The following ACTN2 variants were observed in gnomAD, a reference collection of about 807,000 sequenced individuals.
ACTN2 encodes the protein actinin alpha 2.
Under a neutral mutation model 113.8 loss-of-function variants are expected in ACTN2, and 39 were observed. The observed-to-expected ratio is 0.34, with a 90% CI of 0.27 to 0.45. ACTN2 has a LOEUF of 0.45. ACTN2 is among the 20% of genes least tolerant of loss of function. ACTN2 has a pLI of 1.00. For missense variants in ACTN2, 992 were observed against 1,177.9 expected, an observed-to-expected ratio of 0.84 and a Z score of 2.31; for synonymous variants, 429 against 444.1, an observed-to-expected ratio of 0.97 and a Z score of 0.43.
intron 10 of ACTN2, among the ~76,000 whole-genome samples, chr1:236,741,820 TCTC>T (rs1659077145): frequency 6.6e-6 from 1 of 152,128 alleles, no homozygotes; most frequent in African/African-American, 2.4e-5. Flanking sequence ...TCAGATCTCA[TCTC>T]CTTTCTTCTC....
In ACTN2 at chr1:236,725,947, G is replaced by A. The variant is rs1658537424; in HGVS notation, c.463G>A (p.Glu155Lys). The A allele has an allele frequency of 6.2e-7, 1 of 1,614,218 alleles. No individual in the cohort carries two copies. The highest frequency in any genetic ancestry group is 8.5e-7 in the Non-Finnish European group (1 of 1,180,030). ...DISVEETSAK[E>K]GLLLWCQRKT... is the part of the protein sequence containing the mutation. Reference sequence around the variant, plus strand: ...TGTCATTACAGAAACATCTGCCAAAGAAGGTCTGCTGCTTTGGTGTCAGAG... The same window carrying A: ...TGTCATTACAGAAACATCTGCCAAAAAAGGTCTGCTGCTTTGGTGTCAGAG... Residue 155 changes from glutamate to lysine, a missense_variant, in exon 5 of 21, where the codon GAA (glutamate) becomes AAA (lysine). Glu to Lys is a moderately conservative substitution (Grantham distance 56). Coordinates refer to ENST00000366578, the MANE Select transcript of ACTN2 (RefSeq NM_001103.4).
intron 10 of ACTN2, among the ~76,000 whole-genome samples, chr1:236,739,964 A>G (rs568969023): frequency 2.6e-5 from 4 of 152,238 alleles, no homozygotes; most frequent in African/African-American, 9.6e-5. Flanking sequence ...CATGCACACC[A>G]GCATACAAAA....
intron 1 of ACTN2, among the ~76,000 whole-genome samples, chr1:236,694,655 G>T (rs1657421071): frequency 6.6e-6 from 1 of 152,032 alleles, no homozygotes; most frequent in Admixed American, 6.6e-5. Flanking sequence ...GACTTTTTGA[G>T]CTCTGAATGT....
chr1:236,713,498 A>T (rs1658112672), intron 1 of ACTN2, among the ~76,000 whole-genome samples: 1 of 152,240 alleles, frequency 6.6e-6, no homozygotes, highest in Admixed American at 6.5e-5. Context: ...AAGTGCTGGG[A>T]TTACAGGCAT....
At chr1:236,698,122 C>T (rs539311484) in intron 1 of ACTN2, among the ~76,000 whole-genome samples, 8 of 151,660 alleles carry the variant, frequency 5.3e-5, no homozygotes, top group East Asian at 1.9e-4. Context: ...AATTTACTTA[C>T]GGTGGTGTGC....
At chr1:236,758,786 A>AT (rs1225364949) in intron 18 of ACTN2, among the ~76,000 whole-genome samples, 2 of 151,560 alleles carry the variant, frequency 1.3e-5, no homozygotes, top group African/African-American at 4.9e-5. Context: ...TGCCTGGCTA[A>AT]TTTTTTGTAT....
intron 1 of ACTN2, among the ~76,000 whole-genome samples, chr1:236,701,581 T>C (rs1657679397): frequency 1.3e-5 from 2 of 152,212 alleles, no homozygotes; most frequent in African/African-American, 4.8e-5. Context: ...TATTATATGC[T>C]ATGTATATGG....
Position 236,757,119 on chromosome 1 carries a change from C to T in ACTN2, c.2155-367C>T, listed in dbSNP as rs71642860. ...AATAGAGTATATACTGCAGAGGGCCCGCTGCCACCGTTAGAACCCTGGTTA... is the reference window on the plus strand; with the variant it reads ...AATAGAGTATATACTGCAGAGGGCCTGCTGCCACCGTTAGAACCCTGGTTA... On this transcript the variant is annotated intron_variant, in intron 17 of 20. Coordinates refer to ENST00000366578, the MANE Select transcript of ACTN2 (RefSeq NM_001103.4). 5.5e-4 allele frequency among the ~76,000 whole-genome samples: 8 copies of T among 14,520 alleles called. 4 individuals are homozygous for T. The East Asian group carries it at 0.02, about 36-fold the overall frequency. The allele number at this position is 14,520 out of a possible 152,430, so 9.5% of individuals were successfully genotyped here.
intron 14 of ACTN2, among the ~76,000 whole-genome samples, chr1:236,749,863 T>G (rs538546470): frequency 1.5e-4 from 23 of 152,212 alleles, no homozygotes; most frequent in African/African-American, 5.5e-4. Context: ...TTGAGCAAAA[T>G]AAACATATGT....
rs1558233426 is a variant in ACTN2 at position 236,721,016 on chromosome 1, T to TTTTTG, written c.448+829_448+830insGTTTT. On this transcript the variant is annotated intron_variant, in intron 4 of 20. Coordinates refer to ENST00000366578, the MANE Select transcript of ACTN2 (RefSeq NM_001103.4). ...CAGTAGCCTCTGACTCTGGTTTTTG[T>TTTTTG]TTTTTGTTTTTTTTTTTTTTTTTTT... Among the ~76,000 whole-genome samples the TTTTTG allele has an allele frequency of 2.0e-4, 9 of 46,120 alleles. 1 individual carries two copies. The highest frequency in any genetic ancestry group is 5.7e-4 in the African/African-American group (9 of 15,714). 30.3% of individuals were successfully genotyped at this position (46,120 alleles called of 152,430 possible). A position where few individuals can be genotyped will look rare whatever the true frequency, so the allele number is the denominator to read the frequency against.
intron 1 of ACTN2, among the ~76,000 whole-genome samples, chr1:236,702,985 G>A (rs769615009): frequency 3.3e-5 from 5 of 152,200 alleles, no homozygotes; most frequent in Non-Finnish European, 7.3e-5. Context: ...TGTCTGTGTA[G>A]TACAAGCTGC....
chr1:236,744,247 G>A (rs183837139), intron 11 of ACTN2, among the ~76,000 whole-genome samples: 46 of 152,294 alleles, frequency 3.0e-4, no homozygotes, highest in African/African-American at 9.9e-4. Flanking sequence ...ATGGAGCACC[G>A]GGGTTTTATC....
intron 4 of ACTN2, among the ~76,000 whole-genome samples, chr1:236,722,566 T>G (rs1572116889): frequency 7.4e-6 from 1 of 134,826 alleles, no homozygotes; most frequent in Non-Finnish European, 1.5e-5. Flanking sequence ...ACCTGGGAGG[T>G]GGAGGTTGCA....
chr1:236,686,584 G>C lies in ACTN2; in HGVS notation c.-90G>C. Reference sequence around the variant, plus strand: ...GAAGGTCACCCCGCGCCCGCCGCCCGCCGCCCGCCGCCTCCGTGGGTCCGT... The same window carrying C: ...GAAGGTCACCCCGCGCCCGCCGCCCCCCGCCCGCCGCCTCCGTGGGTCCGT... On this transcript the variant is annotated 5_prime_UTR_variant, in exon 1 of 21. Transcript: ENST00000366578. The C allele has an allele frequency of 1.5e-6, 2 of 1,362,644 alleles. No individual in the cohort carries two copies. Among genetic ancestry groups the C allele is most frequent in the Admixed American group, 3.8e-5 (1 of 26,010 alleles). The allele number at this position is 1,362,644 out of a possible 1,614,324, so 84.4% of individuals were successfully genotyped here.
At chr1:236,751,817 G>A (rs1659404214) in intron 15 of ACTN2, among the ~76,000 whole-genome samples, 165 bp downstream of exon 15, 1 of 152,152 alleles carries the variant, frequency 6.6e-6, no homozygotes, top group Non-Finnish European at 1.5e-5. Flanking sequence ...AAACTCTTAA[G>A]GACCCTTCAG....
intron 9 of ACTN2, among the ~76,000 whole-genome samples, chr1:236,737,757 T>C (rs1044764584): frequency 1.3e-5 from 2 of 152,176 alleles, no homozygotes; most frequent in African/African-American, 4.8e-5. Context: ...CATGAGTTTC[T>C]GTGGTGCCTT....
At chr1:236,736,021 T>C (rs1156986184) in intron 8 of ACTN2, among the ~76,000 whole-genome samples, 2 of 152,244 alleles carry the variant, frequency 1.3e-5, no homozygotes, top group Admixed American at 6.5e-5. Context: ...TTGAGCCACA[T>C]GCATTGAATG....
chr1:236,689,147 T>A (rs971911121), intron 1 of ACTN2, among the ~76,000 whole-genome samples: 3 of 152,024 alleles, frequency 2.0e-5, no homozygotes, highest in Non-Finnish European at 4.4e-5. Context: ...CGTTTCAACG[T>A]GTCTACCTTC....
intron 4 of ACTN2, among the ~76,000 whole-genome samples, chr1:236,722,026 A>G (rs879912000): frequency 6.6e-6 from 1 of 152,210 alleles, no homozygotes; most frequent in Non-Finnish European, 1.5e-5. Flanking sequence ...GCTCTTCACA[A>G]GACTAAGAAA....
Sources: gnomAD v4.1 joint callset for allele counts (sites outside exome capture counted in the v4.1 genomes callset) on GRCh38, gnomAD v4.1.1 for gene constraint, MANE v1.5 for transcripts, NCBI Gene and HGNC (gene_info 2026-07-23, HGNC 2026-07-21) for gene names.